The following NRXN1 variants were observed in gnomAD, a reference collection of about 807,000 sequenced individuals.
The protein encoded by NRXN1 is neurexin 1.
Under a neutral mutation model 150.9 loss-of-function variants are expected in NRXN1, and 39 were observed. The ratio of observed to expected loss-of-function variants is 0.26; its 90% CI spans 0.20 to 0.34. The LOEUF (loss-of-function observed/expected upper bound fraction) is 0.34. Ranked by LOEUF, NRXN1 falls within the 10% of genes least tolerant of loss-of-function variation. NRXN1 has a pLI of 1.00. For missense variants in NRXN1, 1,815 were observed against 1,949.9 expected (o/e 0.93, Z 1.30); for synonymous variants, 924 against 757.0 (o/e 1.22, Z -3.62).
At chr2:50,750,748 C>T (rs1700506856) in intron 5 of NRXN1, among the ~76,000 whole-genome samples, 1 of 152,048 alleles carries the variant, frequency 6.6e-6, no homozygotes, top group Admixed American at 6.6e-5. Context: ...ACAAGCATTA[C>T]TAGCCGAAGT....
chr2:50,724,310 T>G (rs1245874940), intron 5 of NRXN1, among the ~76,000 whole-genome samples: 1 of 152,166 alleles, frequency 6.6e-6, no homozygotes, highest in East Asian at 1.9e-4. Flanking sequence ...CCTGGGAAAC[T>G]TTTTCATATG....
chr2:50,568,819 A>AT (rs1387500633), intron 8 of NRXN1, among the ~76,000 whole-genome samples: 1 of 152,176 alleles, frequency 6.6e-6, no homozygotes, highest in Non-Finnish European at 1.5e-5. Context: ...GGAAATCAAT[A>AT]TATCAAGAAT....
intron 18 of NRXN1, among the ~76,000 whole-genome samples, chr2:50,115,217 G>GTGTATATATA (rs1553626152): frequency 1.3e-4 from 17 of 134,924 alleles, no homozygotes; most frequent in South Asian, 2.4e-4. Context: ...TATGTTATGT[G>GTGTATATATA]TATATATATA....
chr2:51,013,276 T>C (rs1668170290), intron 2 of NRXN1, among the ~76,000 whole-genome samples: 1 of 151,932 alleles, frequency 6.6e-6, no homozygotes, highest in Admixed American at 6.6e-5. Flanking sequence ...AGGGCAAACA[T>C]AAGCATGTGG....
intron 18 of NRXN1, among the ~76,000 whole-genome samples, chr2:50,119,877 C>CA (rs951034319): frequency 6.6e-6 from 1 of 151,756 alleles, no homozygotes; most frequent in Non-Finnish European, 1.5e-5. Flanking sequence ...AGAAGGATAC[C>CA]AAAAAAAGCA....
chr2:50,237,544 C>G (rs1161093523), intron 17 of NRXN1, among the ~76,000 whole-genome samples: 2 of 151,408 alleles, frequency 1.3e-5, no homozygotes, highest in African/African-American at 4.9e-5. Context: ...GATGTCATCC[C>G]TAGAAGTCAG....
Position 50,976,359 on chromosome 2 carries a change from T to C in NRXN1, c.773-50404A>G, listed in dbSNP as rs146727347. 4.4e-3 allele frequency among the ~76,000 whole-genome samples: 668 copies of C among 152,062 alleles called. 6 individuals are homozygous for C. Among genetic ancestry groups the C allele is most frequent in the African/African-American group, 0.011 (470 of 41,518 alleles). On this transcript the variant is annotated intron_variant, in intron 2 of 22. Transcript: ENST00000401669. ...CTTGAATTTTTTCCCTTGAAAATGA[T>C]TGACAAATTGAATGCTGTGTTATCT... is the stretch of plus-strand genomic sequence containing the variant.
rs745397295 is a variant in NRXN1, at chr2:50,540,828, A to AT, written c.1760-2193dup. The stretch of plus-strand genomic sequence containing the variant: ...AGGTGTACGCCATCACAGCCAACTA[A>AT]TTTTTGTATTTTCAGTAGAGATGGA... On this transcript the variant is annotated intron_variant, in intron 9 of 22. Coordinates refer to ENST00000401669, the MANE Select transcript of NRXN1 (RefSeq NM_001330078.2). Among the ~76,000 whole-genome samples, 32 of 152,148 alleles carry AT rather than the reference A, an allele frequency of 2.1e-4. 1 individual carries two copies. The East Asian group carries it at 2.1e-3, about 10-fold the overall frequency.
intron 17 of NRXN1, among the ~76,000 whole-genome samples, chr2:50,359,576 C>A (rs76618186): frequency 6.6e-6 from 1 of 151,506 alleles, no homozygotes; most frequent in Non-Finnish European, 1.5e-5. Flanking sequence ...TGAAAAGGAA[C>A]GAACAAAGCC....
intron 17 of NRXN1, among the ~76,000 whole-genome samples, chr2:50,308,561 C>G (rs2074868859): frequency 6.6e-6 from 1 of 151,628 alleles, no homozygotes; most frequent in Non-Finnish European, 1.5e-5. Flanking sequence ...GCTATGTTGC[C>G]CAGGCAGCTG....
At chr2:50,018,590 A>T (rs1382900778) in intron 21 of NRXN1, among the ~76,000 whole-genome samples, 1 of 152,196 alleles carries the variant, frequency 6.6e-6, no homozygotes, top group Non-Finnish European at 1.5e-5. Context: ...TCTTTTTGGG[A>T]AAAGAAGATA....
intron 17 of NRXN1, among the ~76,000 whole-genome samples, chr2:50,361,610 G>C (rs1171078715): frequency 6.6e-6 from 1 of 152,110 alleles, no homozygotes; most frequent in East Asian, 1.9e-4. Context: ...CTGAAATTGA[G>C]GCAGTAATTT....
At chr2:50,893,219 G>T (rs1241844314) in intron 5 of NRXN1, among the ~76,000 whole-genome samples, 2 of 152,136 alleles carry the variant, frequency 1.3e-5, no homozygotes, top group African/African-American at 4.8e-5. Context: ...GCTGTCACAT[G>T]TGTTTATAGA....
intron 2 of NRXN1, among the ~76,000 whole-genome samples, chr2:50,966,705 A>C (rs1694158439): frequency 1.3e-5 from 2 of 151,904 alleles, no homozygotes; most frequent in African/African-American, 4.8e-5. Context: ...AATGTGAGGC[A>C]AATGTTGTAT....
chr2:50,654,457 C>T (rs1220923650), intron 5 of NRXN1, among the ~76,000 whole-genome samples: 1 of 151,842 alleles, frequency 6.6e-6, no homozygotes, highest in Admixed American at 6.6e-5. Context: ...GGTTCCAAGT[C>T]TTTGCTATGG....
chr2:50,661,730 T>A (rs1687330258), intron 5 of NRXN1, among the ~76,000 whole-genome samples: 1 of 152,102 alleles, frequency 6.6e-6, no homozygotes, highest in Admixed American at 6.6e-5. Context: ...CTTTTTCATG[T>A]CATTTAGAAC....
intron 21 of NRXN1, among the ~76,000 whole-genome samples, chr2:50,002,261 A>G (rs2152535136): frequency 6.6e-6 from 1 of 152,286 alleles, no homozygotes; most frequent in South Asian, 2.1e-4. Context: ...AAACTAATAC[A>G]CATACTTCCA....
intron 5 of NRXN1, among the ~76,000 whole-genome samples, chr2:50,687,718 G>A (rs2104849400): frequency 6.6e-6 from 1 of 152,240 alleles, no homozygotes; most frequent in South Asian, 2.1e-4. Context: ...TTTTAGATTG[G>A]GCAACCGCGT....
intron 17 of NRXN1, among the ~76,000 whole-genome samples, chr2:50,310,013 A>C (rs575490429): frequency 6.6e-6 from 1 of 152,290 alleles, no homozygotes; most frequent in Non-Finnish European, 1.5e-5. Flanking sequence ...CTATGTTTTC[A>C]GTTCCAGATG....
Sources: allele counts gnomAD v4.1 joint callset (sites outside exome capture counted in the v4.1 genomes callset), GRCh38; gene constraint gnomAD v4.1.1; transcripts MANE v1.5; gene names NCBI Gene and HGNC (gene_info 2026-07-23, HGNC 2026-07-21).